CBFA2T2: variants seen among roughly 807,000 people sequenced by gnomAD.
The protein encoded by CBFA2T2 is CBFA2/RUNX1 partner transcriptional co-repressor 2, also known as protein CBFA2T2.
CBFA2T2 carries 11 observed loss-of-function variants against 62.2 expected under a neutral mutation model. That is an observed-to-expected ratio of 0.18 (90% CI 0.11 to 0.29). CBFA2T2 has a LOEUF of 0.29. CBFA2T2 is among the 10% of genes least tolerant of loss of function. The pLI, the probability that CBFA2T2 is intolerant of heterozygous loss-of-function variation, is 1.00. For synonymous variants in CBFA2T2, 295 were observed against 287.5 expected (o/e 1.03, Z -0.27); for missense variants, 592 against 774.1 (o/e 0.76, Z 2.79).
chr20:33,609,003 A>G (rs2015431534), intron 2 of CBFA2T2, among the ~76,000 whole-genome samples: 1 of 152,186 alleles, frequency 6.6e-6, no homozygotes, highest in African/African-American at 2.4e-5. Flanking sequence ...TGGAAGACAC[A>G]AGAAAACTCA....
Position 33,606,599 on chromosome 20 carries a change from T to A in CBFA2T2, c.35-357T>A, listed in dbSNP as rs148777331. Among the ~76,000 whole-genome samples the A allele has an allele frequency of 5.2e-3, 789 of 152,230 alleles. 9 individuals carry two copies. The highest frequency in any genetic ancestry group is 0.018 in the African/African-American group (729 of 41,532). On this transcript the variant is annotated intron_variant, in intron 1 of 10. Transcript: ENST00000342704. ...TGTGTCACTCTAGTCCCTGCCTCTG[T>A]CGCCACTTGGTGTGACTGTCCTCTC... is the stretch of plus-strand genomic sequence containing the variant.
intron 1 of CBFA2T2, among the ~76,000 whole-genome samples, chr20:33,515,931 A>G (rs983261311): frequency 6.6e-6 from 1 of 152,086 alleles, no homozygotes; most frequent in Admixed American, 6.6e-5. Flanking sequence ...GACAACACAG[A>G]AGAATAGTTT....
At chr20:33,628,493 G>A in intron 7 of CBFA2T2, 58 bp downstream of exon 7, 1 of 1,207,940 alleles carries the variant, frequency 8.3e-7, no homozygotes, top group Non-Finnish European at 1.2e-6. Context: ...TTTGAAACAG[G>A]AGTCTCGCTC....
intron 10 of CBFA2T2, among the ~76,000 whole-genome samples, chr20:33,641,745 G>T (rs950315161): frequency 2.6e-5 from 4 of 152,126 alleles, no homozygotes; most frequent in Non-Finnish European, 5.9e-5. Context: ...ACCGTGCCTG[G>T]CTAATTTTCA....
chr20:33,583,812 T>C (rs1285636523), intron 1 of CBFA2T2, among the ~76,000 whole-genome samples: 1 of 152,224 alleles, frequency 6.6e-6, no homozygotes, highest in African/African-American at 2.4e-5. Flanking sequence ...AGCACTTTCC[T>C]GTACCCCTTC....
At chr20:33,566,276 T>A (rs1272634161) in intron 1 of CBFA2T2, among the ~76,000 whole-genome samples, 1 of 152,092 alleles carries the variant, frequency 6.6e-6, no homozygotes. Context: ...TAAGGGATTT[T>A]TTTTAAAAGG....
At chr20:33,621,764 C>T (rs2122329579) in intron 4 of CBFA2T2, among the ~76,000 whole-genome samples, 1 of 152,288 alleles carries the variant, frequency 6.6e-6, no homozygotes, top group South Asian at 2.1e-4. Context: ...TTAAAACCTT[C>T]TATTGGAGCA....
intron 1 of CBFA2T2, among the ~76,000 whole-genome samples, chr20:33,506,823 C>T (rs1046263263): frequency 6.6e-6 from 1 of 152,142 alleles, no homozygotes; most frequent in African/African-American, 2.4e-5. Flanking sequence ...GAGAGCAACA[C>T]TTGGCTAGCT....
chr20:33,560,592 A>G (rs573297088), intron 1 of CBFA2T2, among the ~76,000 whole-genome samples: 46 of 152,328 alleles, frequency 3.0e-4, no homozygotes, highest in Admixed American at 2.9e-3. Context: ...AAGCCCTAAA[A>G]CCTAGTAATT....
At chr20:33,558,821 T>TAAA (rs2012995224) in intron 1 of CBFA2T2, among the ~76,000 whole-genome samples, 3 of 149,950 alleles carry the variant, frequency 2.0e-5, no homozygotes, top group South Asian at 4.2e-4. Context: ...TCGCCAACTG[T>TAAA]TTGGGGGGGC....
chr20:33,537,458 G>A (rs2012295756), intron 1 of CBFA2T2, among the ~76,000 whole-genome samples: 1 of 152,240 alleles, frequency 6.6e-6, no homozygotes, highest in Non-Finnish European at 1.5e-5. Flanking sequence ...CTTCGGCTGG[G>A]CATCAGAGGG....
intron 3 of CBFA2T2, among the ~76,000 whole-genome samples, chr20:33,613,545 G>A (rs1913488802): frequency 1.3e-5 from 2 of 152,130 alleles, no homozygotes; most frequent in African/African-American, 4.8e-5. Context: ...TTCTGTCAAG[G>A]GAAGCCTATT....
At chr20:33,643,367 G>T (rs1037969100) in intron 10 of CBFA2T2, among the ~76,000 whole-genome samples, 1 of 152,130 alleles carries the variant, frequency 6.6e-6, no homozygotes, top group African/African-American at 2.4e-5. Context: ...TTTGAGGCCA[G>T]GAGGTCAAGA....
chr20:33,521,146 A>G (rs772323632), intron 1 of CBFA2T2, among the ~76,000 whole-genome samples: 15 of 152,136 alleles, frequency 9.9e-5, no homozygotes, highest in Non-Finnish European at 1.9e-4. Flanking sequence ...AAAGTATACA[A>G]CTAGGAAGAA....
chr20:33,585,758 G>A (rs747576905), intron 1 of CBFA2T2, among the ~76,000 whole-genome samples: 8 of 152,150 alleles, frequency 5.3e-5, no homozygotes, highest in South Asian at 2.1e-4. Flanking sequence ...TAATGGAAGC[G>A]AACAAGCATG....
At position 33,628,414 on chromosome 20, in the gene CBFA2T2, T is replaced by C; in HGVS notation, c.1011T>C (p.Asp337=). 6.2e-7 allele frequency: 1 copy of C among 1,611,916 alleles called. No individual in the cohort carries two copies. Among genetic ancestry groups the C allele is most frequent in the Non-Finnish European group, 8.5e-7 (1 of 1,177,902 alleles). ...DHRLTEREWA[D]EWKHLDHALN... ...GTTTGACAGAAAGGGAATGGGCTGA[T>C]GAATGGAAACATCTTGACCATGTAA... The change falls in exon 7 of 11, where the codon GAT becomes GAC. Residue 337 remains aspartate (D), a synonymous_variant. Transcript: ENST00000342704.
intron 6 of CBFA2T2, among the ~76,000 whole-genome samples, 173 bp from the exon 7 acceptor site, chr20:33,628,177 T>C (rs2016315340): frequency 6.6e-6 from 1 of 152,268 alleles, no homozygotes; most frequent in Non-Finnish European, 1.5e-5. Context: ...ATAATGTGAA[T>C]CGTGATCCTT....
chr20:33,546,851 T>G (rs954838838), intron 1 of CBFA2T2, among the ~76,000 whole-genome samples: 8 of 151,292 alleles, frequency 5.3e-5, no homozygotes, highest in Non-Finnish European at 8.8e-5. Context: ...AAAAGAAAAA[T>G]AACTCCACAT....
intron 1 of CBFA2T2, among the ~76,000 whole-genome samples, chr20:33,565,527 T>G (rs1003018641): frequency 1.3e-5 from 2 of 152,162 alleles, no homozygotes; most frequent in Non-Finnish European, 2.9e-5. Flanking sequence ...TGCTAGAGTT[T>G]CAGGAAACAT....
Sources: allele counts gnomAD v4.1 joint callset (sites outside exome capture counted in the v4.1 genomes callset), GRCh38; gene constraint gnomAD v4.1.1; transcripts MANE v1.5; gene names NCBI Gene and HGNC (gene_info 2026-07-23, HGNC 2026-07-21).